Variants in KIAA0825 observed in about 807,000 individuals in gnomAD.
KIAA0825 encodes the protein KIAA0825.
Under a neutral mutation model 147.6 loss-of-function variants are expected in KIAA0825, and 119 were observed. The ratio of observed to expected loss-of-function variants is 0.81; its 90% CI spans 0.69 to 0.94. The LOEUF (loss-of-function observed/expected upper bound fraction) is 0.94, where lower values mean the gene tolerates loss of function less well. Among genes scored for constraint, KIAA0825 ranks in the 40% least tolerant of loss-of-function variants. The probability of loss-of-function intolerance (pLI) is 0.00; values close to 1 mark genes in which losing one functional copy is unlikely to be tolerated. For synonymous variants in KIAA0825, 470 were observed against 518.1 expected (o/e 0.91, Z 1.26); for missense variants, 1,381 against 1,472.7 (o/e 0.94, Z 1.02).
At position 94,520,347 on chromosome 5, in the gene KIAA0825, G is replaced by C; in HGVS notation, c.871C>G (p.Leu291Val). Residue 291 changes from leucine (L) to valine (V), a missense_variant, in exon 5 of 21, where the codon CTT (leucine) becomes GTT (valine). By Grantham distance (32) the Leu-to-Val change is conservative. Transcript: ENST00000682413. ...AACTGCAGCTCACAAAAATTTTCAA[G>C]AAATTTTGCCATTTCTTCTGTAACA... ...DTVTEEMAKF[L>V]ENFCELQFRE... The C allele has an allele frequency of 6.2e-7, 1 of 1,613,490 alleles. No individual in the cohort carries two copies. Among genetic ancestry groups the C allele is most frequent in the Non-Finnish European group, 8.5e-7 (1 of 1,179,536 alleles).
Position 94,439,965 on chromosome 5 carries a change from T to C in KIAA0825, c.2497+17A>G, listed in dbSNP as rs1411216741. The C allele has an allele frequency of 1.9e-5, 30 of 1,544,538 alleles. No individual in the cohort carries two copies. The highest frequency in any genetic ancestry group is 2.6e-5 in the Non-Finnish European group (30 of 1,144,044). On this transcript the variant is annotated intron_variant, in intron 14 of 20. Transcript: ENST00000682413. Reference sequence around the variant, plus strand: ...ACTAGGTTTTTCGAGGACATTCTTATAACTACACATACTCACTTGAGCTCT... The same window carrying C: ...ACTAGGTTTTTCGAGGACATTCTTACAACTACACATACTCACTTGAGCTCT...
chr5:94,373,192 C>T (rs576240228), intron 20 of KIAA0825, among the ~76,000 whole-genome samples: 6 of 152,290 alleles, frequency 3.9e-5, no homozygotes, highest in Non-Finnish European at 7.3e-5. Flanking sequence ...CAAACTCTTC[C>T]ACATTTTCCT....
chr5:94,460,908 C>T (rs1355925623), intron 12 of KIAA0825, among the ~76,000 whole-genome samples: 1 of 151,882 alleles, frequency 6.6e-6, no homozygotes, highest in Non-Finnish European at 1.5e-5. Context: ...TAAAGTATAT[C>T]TAGATTTTTG....
At chr5:94,192,920 C>T (rs1007220758) in intron 20 of KIAA0825, among the ~76,000 whole-genome samples, 30 of 152,162 alleles carry the variant, frequency 2.0e-4, no homozygotes, top group Non-Finnish European at 3.5e-4. Context: ...ATTTCTAGAA[C>T]GCAGTTCCCT....
At chr5:94,383,130 G>A (rs924928595) in intron 20 of KIAA0825, among the ~76,000 whole-genome samples, 3 of 152,124 alleles carry the variant, frequency 2.0e-5, no homozygotes, top group Non-Finnish European at 4.4e-5. Context: ...CTGGTGACTT[G>A]TGTATGAATA....
chr5:94,236,856 TTAAG>T (rs1341805176), intron 20 of KIAA0825, among the ~76,000 whole-genome samples: 3 of 152,222 alleles, frequency 2.0e-5, no homozygotes, highest in Admixed American at 6.5e-5. Context: ...TATTTTTAAA[TTAAG>T]TATGTACATT....
At chr5:94,342,556 A>G (rs907085390) in intron 20 of KIAA0825, among the ~76,000 whole-genome samples, 1 of 152,204 alleles carries the variant, frequency 6.6e-6, no homozygotes, top group African/African-American at 2.4e-5. Flanking sequence ...AACTGAGGGT[A>G]GTTTTAGATA....
At chr5:94,466,377 A>G (rs1278713109) in intron 10 of KIAA0825, among the ~76,000 whole-genome samples, 2 of 152,174 alleles carry the variant, frequency 1.3e-5, no homozygotes, top group Non-Finnish European at 2.9e-5. Context: ...TCGAGTTCAA[A>G]TGGGAGGGGA....
intron 20 of KIAA0825, among the ~76,000 whole-genome samples, chr5:94,297,699 A>C (rs1051424228): frequency 6.6e-6 from 1 of 151,850 alleles, no homozygotes; most frequent in Non-Finnish European, 1.5e-5. Context: ...GGGCTCAAGC[A>C]GTTCTCCTGC....
rs190283468 is a variant in KIAA0825 at position 94,152,241 on chromosome 5, G to C, written c.*1766C>G. Among the ~76,000 whole-genome samples, 1 of 152,246 alleles carries C rather than the reference G, an allele frequency of 6.6e-6. No individual in the cohort carries two copies. Reference sequence around the variant, plus strand: ...TCTGCACCCCAAGCTTTTACTCTTTGAAAAATGCATGAGTACTTTCCTTTG... The same window carrying C: ...TCTGCACCCCAAGCTTTTACTCTTTCAAAAATGCATGAGTACTTTCCTTTG... On this transcript the variant is annotated 3_prime_UTR_variant, in exon 21 of 21. Transcript: ENST00000682413.
chr5:94,213,239 G>T (rs947836435), intron 20 of KIAA0825, among the ~76,000 whole-genome samples: 2 of 151,840 alleles, frequency 1.3e-5, no homozygotes, highest in Non-Finnish European at 2.9e-5. Context: ...GAGAAATTTG[G>T]GCATCATGAT....
rs1175421668 is a variant in KIAA0825 at position 94,396,138 on chromosome 5, G to A, written c.3259C>T (p.Arg1087Cys). The change falls in exon 17 of 21, where the codon CGT (arginine) becomes TGT (cysteine). Residue 1087 changes from arginine (R) to cysteine (C), a missense_variant. Coordinates refer to ENST00000682413, the MANE Select transcript of KIAA0825 (RefSeq NM_001145678.3). ...AGTTTCCTTGCTTTCAACAATTGAC[G>A]TTCAATCCAGTTGGGCTTCTGCTGC... ...IEQQKPNWIERQLLKARKLST... is the reference protein window; with the variant it reads ...IEQQKPNWIECQLLKARKLST... 15 of 1,513,842 alleles carry A rather than the reference G, an allele frequency of 9.9e-6. No individual in the cohort carries two copies. The Admixed American group carries it at 1.4e-4, about 14-fold the overall frequency. 93.8% of individuals were successfully genotyped at this position (1,513,842 alleles called of 1,614,324 possible). A position where few individuals can be genotyped will look rare whatever the true frequency, so the allele number is the denominator to read the frequency against.
chr5:94,513,994 T>A (rs2151178059), intron 5 of KIAA0825, among the ~76,000 whole-genome samples: 1 of 152,278 alleles, frequency 6.6e-6, no homozygotes, highest in Non-Finnish European at 1.5e-5. Flanking sequence ...ATGCTTTCAT[T>A]TTTTCACCCA....
chr5:94,381,836 A>C (rs573530654), intron 20 of KIAA0825, among the ~76,000 whole-genome samples: 1 of 152,164 alleles, frequency 6.6e-6, no homozygotes, highest in African/African-American at 2.4e-5. Context: ...AGGGAGGTCT[A>C]GTGTACTCTA....
At chr5:94,428,410 T>C (rs908518965) in intron 14 of KIAA0825, among the ~76,000 whole-genome samples, 1 of 152,182 alleles carries the variant, frequency 6.6e-6, no homozygotes, top group African/African-American at 2.4e-5. Context: ...TATTTAGAAC[T>C]CCTGTAAGAA....
At chr5:94,483,540 C>T (rs903182569) in intron 6 of KIAA0825, among the ~76,000 whole-genome samples, 6 of 151,650 alleles carry the variant, frequency 4.0e-5, no homozygotes, top group African/African-American at 1.2e-4. Flanking sequence ...TTTAAGGGTC[C>T]CATTCTCTCC....
chr5:94,193,528 A>G (rs772540647), intron 20 of KIAA0825, among the ~76,000 whole-genome samples: 3 of 152,168 alleles, frequency 2.0e-5, no homozygotes, highest in Non-Finnish European at 4.4e-5. Flanking sequence ...TCTACTATCT[A>G]TTCTCTTAAC....
chr5:94,515,546 C>G lies in KIAA0825; in HGVS notation c.970+4702G>C, dbSNP rs538678017. Among the ~76,000 whole-genome samples the G allele has an allele frequency of 3.9e-5, 6 of 152,134 alleles. No homozygotes were observed. The South Asian group carries it at 1.2e-3, about 32-fold the overall frequency. ...GTGGCTCACTCTTGTAATCCCAGCA[C>G]TTTGGGAGGCCAAGGCGGGTGGATC... On this transcript the variant is annotated intron_variant, in intron 5 of 20. Coordinates refer to ENST00000682413, the MANE Select transcript of KIAA0825 (RefSeq NM_001145678.3).
At chr5:94,259,546 G>A (rs955953798) in intron 20 of KIAA0825, among the ~76,000 whole-genome samples, 1 of 151,956 alleles carries the variant, frequency 6.6e-6, no homozygotes, top group Non-Finnish European at 1.5e-5. Context: ...ATCCCTAGCA[G>A]TATTTTCCTC....
Sources: allele counts gnomAD v4.1 joint callset (sites outside exome capture counted in the v4.1 genomes callset), GRCh38; gene constraint gnomAD v4.1.1; transcripts MANE v1.5; gene names NCBI Gene and HGNC (gene_info 2026-07-23, HGNC 2026-07-21).